The following FERMT2 variants were observed in gnomAD, a reference collection of about 807,000 sequenced individuals.
FERMT2 encodes the protein fermitin family homolog 2.
A neutral mutation model predicts 82.7 loss-of-function variants in FERMT2; 15 were observed. The observed-to-expected ratio is 0.18, with a 90% CI of 0.12 to 0.28. The LOEUF (loss-of-function observed/expected upper bound fraction) is 0.28, where lower values mean the gene tolerates loss of function less well. Ranked by LOEUF, FERMT2 falls within the 10% of genes least tolerant of loss-of-function variation. FERMT2 has a pLI of 1.00. For missense variants in FERMT2, 645 were observed against 809.4 expected, an observed-to-expected ratio of 0.80 and a Z score of 2.46; for synonymous variants, 274 against 271.5, an observed-to-expected ratio of 1.01 and a Z score of -0.09.
chr14:52,901,644 A>G (rs1237428870), intron 3 of FERMT2, among the ~76,000 whole-genome samples: 2 of 152,202 alleles, frequency 1.3e-5, no homozygotes, highest in East Asian at 3.8e-4. Flanking sequence ...GGAAGGGGGC[A>G]ACAAGCAATG....
intron 10 of FERMT2, among the ~76,000 whole-genome samples, chr14:52,870,248 CTTTT>C (rs1185198814): frequency 2.9e-5 from 4 of 138,800 alleles, no homozygotes. Flanking sequence ...TACAAGTGTA[CTTTT>C]TTTTTTTTTT....
rs577324822 is a variant in FERMT2 at position 52,943,336 on chromosome 14, C to CA, written c.157+7075dup. 2.8e-3 allele frequency among the ~76,000 whole-genome samples: 433 copies of CA among 152,246 alleles called. 1 individual carries two copies. Among genetic ancestry groups the CA allele is most frequent in the Non-Finnish European group, 4.9e-3 (331 of 68,032 alleles). ...TTCTACAGGGTGGCCATAAAGTTTA[C>CA]AAACAGATACTATCATTTTACATGT... On this transcript the variant is annotated intron_variant, in intron 2 of 14. Transcript: ENST00000341590.
chr14:52,891,631 CAGTA>C (rs1168484020), intron 4 of FERMT2, among the ~76,000 whole-genome samples: 1 of 152,128 alleles, frequency 6.6e-6, no homozygotes, highest in Non-Finnish European at 1.5e-5. Context: ...GGGCACTGCA[CAGTA>C]AGTGCTCTGT....
chr14:52,932,471 C>T (rs759425238), intron 2 of FERMT2, among the ~76,000 whole-genome samples: 10 of 152,104 alleles, frequency 6.6e-5, no homozygotes, highest in Non-Finnish European at 1.3e-4. Flanking sequence ...ATAATGGCAA[C>T]CACAGACAAA....
intron 4 of FERMT2, among the ~76,000 whole-genome samples, chr14:52,887,915 T>C (rs1019021256): frequency 4.6e-5 from 7 of 152,198 alleles, no homozygotes; most frequent in African/African-American, 1.4e-4. Flanking sequence ...TGTGGAGTTA[T>C]TTCCTCAGAA....
chr14:52,858,695 T>TA (rs1233306578), intron 14 of FERMT2, 145 bp from the exon 15 acceptor site: 2 of 651,970 alleles, frequency 3.1e-6, no homozygotes, highest in Admixed American at 3.0e-5. Flanking sequence ...CCTAAACGAA[T>TA]AATGCCTTTA....
chr14:52,871,903 G>GAGGAATATCCTGA (rs1285256818), intron 10 of FERMT2: 2 of 152,312 alleles, frequency 1.3e-5, no homozygotes, highest in Admixed American at 1.3e-4. Context: ...AGAAGCCTCC[G>GAGGAATATCCTGA]AGGAATATCC....
intron 1 of FERMT2, 47 bp from the exon 2 acceptor site, chr14:52,950,624 G>A (rs1245034819): frequency 2.5e-5 from 39 of 1,581,740 alleles, no homozygotes; most frequent in Non-Finnish European, 3.4e-5. Context: ...CTCCCCCAAA[G>A]AAAGGCGAAT....
chr14:52,919,020 A>G (rs1888787584), intron 3 of FERMT2, 103 bp downstream of exon 3: 1 of 726,122 alleles, frequency 1.4e-6, no homozygotes, highest in African/African-American at 1.8e-5. Context: ...ATATATACAG[A>G]TAGTTCAGCC....
intron 4 of FERMT2, among the ~76,000 whole-genome samples, chr14:52,889,601 T>G (rs1345105492): frequency 6.6e-6 from 1 of 152,186 alleles, no homozygotes; most frequent in Non-Finnish European, 1.5e-5. Flanking sequence ...GGATAAGTTC[T>G]GAGAAATGTG....
chr14:52,864,426 T>G lies in FERMT2; in HGVS notation c.1577A>C (p.Tyr526Ser), dbSNP rs1427546535. The G allele has an allele frequency of 6.2e-6, 10 of 1,613,532 alleles. No homozygotes were observed. Among genetic ancestry groups the G allele is most frequent in the African/African-American group, 1.3e-5 (1 of 75,048 alleles). Residue 526 changes from tyrosine to serine, a missense_variant, in exon 12 of 15, where the codon TAT becomes TCT. Coordinates refer to ENST00000341590, the MANE Select transcript of FERMT2 (RefSeq NM_006832.3). Reference sequence around the variant, plus strand: ...CTGCTTGTTCTTATACTTTTTTAGATAGCGGGGAGACACCAAACATTCAGG... The same window carrying G: ...CTGCTTGTTCTTATACTTTTTTAGAGAGCGGGGAGACACCAAACATTCAGG... ...ITPECLVSPR[Y>S]LKKYKNKQIT...
intron 2 of FERMT2, among the ~76,000 whole-genome samples, chr14:52,937,572 C>G (rs1889901063): frequency 6.6e-6 from 1 of 152,154 alleles, no homozygotes; most frequent in African/African-American, 2.4e-5. Context: ...ATCATTGACT[C>G]AAAGTAATTT....
chr14:52,908,243 G>GA (rs1488343124), intron 3 of FERMT2, among the ~76,000 whole-genome samples: 4 of 152,180 alleles, frequency 2.6e-5, no homozygotes, highest in Non-Finnish European at 4.4e-5. Context: ...ATGCAAAATA[G>GA]TACAGCCACT....
At chr14:52,872,184 C>G (rs1046208490) in intron 10 of FERMT2, 8 of 152,550 alleles carry the variant, frequency 5.2e-5, no homozygotes, top group African/African-American at 1.9e-4. Flanking sequence ...AAGGAGGCAG[C>G]CCCTGCAGAA....
At chr14:52,876,510 A>G (rs1180423052) in intron 7 of FERMT2, among the ~76,000 whole-genome samples, 2 of 152,162 alleles carry the variant, frequency 1.3e-5, no homozygotes, top group African/African-American at 2.4e-5. Flanking sequence ...CTGATGCAAA[A>G]TGTCTTTATG....
intron 10 of FERMT2, among the ~76,000 whole-genome samples, chr14:52,870,668 G>A (rs1460297199): frequency 6.6e-6 from 1 of 152,116 alleles, no homozygotes; most frequent in South Asian, 2.1e-4. Flanking sequence ...AGGAGCAATC[G>A]GCTATACCAT....
intron 3 of FERMT2, among the ~76,000 whole-genome samples, chr14:52,918,283 TA>T (rs531205867): frequency 2.6e-5 from 4 of 152,020 alleles, no homozygotes; most frequent in South Asian, 2.1e-4. Context: ...TCCTATTTAT[TA>T]AAAAAAATCC....
At chr14:52,892,811 C>T (rs1369702762) in intron 4 of FERMT2, among the ~76,000 whole-genome samples, 2 of 152,154 alleles carry the variant, frequency 1.3e-5, no homozygotes, top group African/African-American at 4.8e-5. Context: ...TTTTCATGAA[C>T]TAGATACTAA....
At chr14:52,922,069 G>A (rs1273950024) in intron 2 of FERMT2, among the ~76,000 whole-genome samples, 1 of 152,122 alleles carries the variant, frequency 6.6e-6, no homozygotes, top group Non-Finnish European at 1.5e-5. Flanking sequence ...TTGGGTGCAA[G>A]CAGCTTATTT....
Sources: allele counts gnomAD v4.1 joint callset (sites outside exome capture counted in the v4.1 genomes callset), GRCh38; gene constraint gnomAD v4.1.1; transcripts MANE v1.5; gene names NCBI Gene and HGNC (gene_info 2026-07-23, HGNC 2026-07-21).